Variants in ITSN1 observed in about 807,000 individuals in gnomAD.
The protein encoded by ITSN1 is intersectin 1, also known as intersectin-1.
In ITSN1, 58 loss-of-function variants were observed where a neutral mutation model predicts 239.8. The observed-to-expected ratio is 0.24, with a 90% confidence interval of 0.20 to 0.30. The LOEUF is 0.30. Among genes scored for constraint, ITSN1 ranks in the 10% least tolerant of loss-of-function variants. ITSN1 has a pLI of 1.00. For synonymous variants in ITSN1, 780 were observed against 770.8 expected, an observed-to-expected ratio of 1.01 and a Z score of -0.20; for missense variants, 1,558 against 2,103.3, an observed-to-expected ratio of 0.74 and a Z score of 5.07.
chr21:33,768,266 G>C (rs997395462), intron 11 of ITSN1, among the ~76,000 whole-genome samples: 1 of 151,826 alleles, frequency 6.6e-6, no homozygotes, highest in Non-Finnish European at 1.5e-5. Context: ...TAAATTTAAT[G>C]TGAACCTATT....
chr21:33,817,234 G>C lies in ITSN1; in HGVS notation c.2728-1033G>C, dbSNP rs1394824902. 5 of 1,297,862 alleles carry C rather than the reference G, an allele frequency of 3.9e-6. No individual in the cohort carries two copies. The East Asian group carries it at 2.8e-4, about 73-fold the overall frequency. 80.4% of individuals were successfully genotyped at this position (1,297,862 alleles called of 1,614,324 possible). A position where few individuals can be genotyped will look rare whatever the true frequency, so the allele number is the denominator to read the frequency against. ...ATGCCTCACCCTGCCTTTCCAGCCT[G>C]ACTTCCTCCTCCACCCCTCCATGAG... On this transcript the variant is annotated intron_variant, in intron 22 of 39. Coordinates refer to ENST00000381318, the MANE Select transcript of ITSN1 (RefSeq NM_003024.3).
intron 27 of ITSN1, among the ~76,000 whole-genome samples, chr21:33,833,970 C>T (rs1256317019): frequency 1.3e-5 from 2 of 151,642 alleles, no homozygotes; most frequent in African/African-American, 4.9e-5. Context: ...TTGGCATTAA[C>T]CATAATGTCT....
Position 33,751,869 on chromosome 21 carries a change from A to G in ITSN1, c.586A>G (p.Thr196Ala), listed in dbSNP as rs2067579238. 6.2e-7 allele frequency: 1 copy of G among 1,613,744 alleles called. No individual in the cohort carries two copies. The highest frequency in any genetic ancestry group is 8.5e-7 in the Non-Finnish European group (1 of 1,179,712). Reference sequence around the variant, plus strand: ...ATCTGGTCCAGGGTCACAACTAAACACTAAATTACAAAAGGCACAGTCATT... The same window carrying G: ...ATCTGGTCCAGGGTCACAACTAAACGCTAAATTACAAAAGGCACAGTCATT... ...SRSGPGSQLNTKLQKAQSFDV... is the reference protein window; with the variant it reads ...SRSGPGSQLNAKLQKAQSFDV... Residue 196 changes from threonine to alanine, a missense_variant, in exon 7 of 40, where the codon ACT (threonine) becomes GCT (alanine). Thr to Ala is a moderately conservative substitution (Grantham distance 58). This residue lies in a region of ITSN1 where 982 missense variants were observed against 1,209.9 expected (regional missense o/e 0.81). Coordinates refer to ENST00000381318, the MANE Select transcript of ITSN1 (RefSeq NM_003024.3).
chr21:33,834,815 G>A (rs1325638976), intron 28 of ITSN1, among the ~76,000 whole-genome samples: 1 of 152,118 alleles, frequency 6.6e-6, no homozygotes, highest in Admixed American at 6.6e-5. Context: ...AGATGGAGCT[G>A]GGGGCCACGG....
At chr21:33,726,059 T>A (rs1182735820) in intron 4 of ITSN1, among the ~76,000 whole-genome samples, 1 of 152,186 alleles carries the variant, frequency 6.6e-6, no homozygotes, top group Non-Finnish European at 1.5e-5. Context: ...AATGGCACGA[T>A]CTTAGCTCAC....
intron 1 of ITSN1, among the ~76,000 whole-genome samples, chr21:33,716,151 G>C (rs1378786987): frequency 6.6e-6 from 1 of 152,110 alleles, no homozygotes; most frequent in Non-Finnish European, 1.5e-5. Context: ...CCTTGTGCTT[G>C]GGGGCTCCAC....
chr21:33,749,723 A>C (rs2067423390), intron 5 of ITSN1, among the ~76,000 whole-genome samples: 1 of 152,194 alleles, frequency 6.6e-6, no homozygotes, highest in African/African-American at 2.4e-5. Flanking sequence ...CTGAGGTATA[A>C]TAAACATAGG....
intron 4 of ITSN1, among the ~76,000 whole-genome samples, chr21:33,723,707 C>T (rs1231955225): frequency 6.6e-6 from 1 of 152,148 alleles, no homozygotes; most frequent in Non-Finnish European, 1.5e-5. Context: ...GATACAGTTA[C>T]CCTCTTTGAC....
intron 7 of ITSN1, among the ~76,000 whole-genome samples, chr21:33,752,743 G>A (rs1196786978): frequency 1.3e-5 from 2 of 151,822 alleles, no homozygotes; most frequent in Admixed American, 1.3e-4. Flanking sequence ...AAATGAGATG[G>A]GAGGATGGCT....
intron 4 of ITSN1, among the ~76,000 whole-genome samples, chr21:33,734,688 C>T (rs1272312538): frequency 1.3e-5 from 2 of 152,118 alleles, no homozygotes; most frequent in Non-Finnish European, 2.9e-5. Flanking sequence ...TTTAAAGTAT[C>T]TAATTCATTG....
chr21:33,800,294 C>CGT (rs987531568), intron 19 of ITSN1, among the ~76,000 whole-genome samples: 1 of 150,780 alleles, frequency 6.6e-6, no homozygotes, highest in African/African-American at 2.4e-5. Context: ...TACTAGTGTG[C>CGT]GTGTGTATAT....
intron 3 of ITSN1, 39 bp from the exon 4 acceptor site, chr21:33,722,549 T>G (rs1435781320): frequency 3.9e-6 from 6 of 1,547,134 alleles, no homozygotes; most frequent in South Asian, 1.2e-5. Context: ...CTGTTGTTTT[T>G]TTTTTTTTTT....
chr21:33,804,671 C>T (rs1392290487), intron 20 of ITSN1, among the ~76,000 whole-genome samples: 2 of 152,162 alleles, frequency 1.3e-5, no homozygotes, highest in African/African-American at 4.8e-5. Context: ...ACATCCGTAA[C>T]ATGTTAGTAG....
intron 11 of ITSN1, 39 bp downstream of exon 11, chr21:33,767,867 A>C: frequency 1.8e-6 from 2 of 1,126,716 alleles, no homozygotes; most frequent in Non-Finnish European, 2.7e-6. Flanking sequence ...CATTTAGATT[A>C]AACGAAATTA....
chr21:33,766,148 A>C, intron 10 of ITSN1, 136 bp downstream of exon 10: 21 of 859,804 alleles, frequency 2.4e-5, no homozygotes, highest in Non-Finnish European at 3.2e-5. Context: ...AGAGACTCTC[A>C]TCTAGGTCTA....
chr21:33,842,497 TGTG>T (rs1417733240), intron 29 of ITSN1, among the ~76,000 whole-genome samples: 1 of 45,782 alleles, frequency 2.2e-5, no homozygotes, highest in Non-Finnish European at 3.9e-5. Context: ...ATGTCAACGG[TGTG>T]TGTGTGTGTG....
At chr21:33,754,376 A>G (rs1489725547) in intron 7 of ITSN1, among the ~76,000 whole-genome samples, 1 of 152,238 alleles carries the variant, frequency 6.6e-6, no homozygotes, top group Non-Finnish European at 1.5e-5. Context: ...TAAAAAGTTC[A>G]GTATTTCAGT....
At chr21:33,802,494 T>C in intron 20 of ITSN1, 50 bp downstream of exon 20, 1 of 1,587,786 alleles carries the variant, frequency 6.3e-7, no homozygotes, top group Non-Finnish European at 8.6e-7. Flanking sequence ...CAATGTTTTG[T>C]CCTTTTAAGT....
intron 16 of ITSN1, among the ~76,000 whole-genome samples, chr21:33,792,550 A>G: frequency 6.6e-6 from 1 of 152,366 alleles, no homozygotes; most frequent in East Asian, 1.9e-4. Flanking sequence ...CCAGGTTACT[A>G]TGAAAACCAG....
Sources: gnomAD v4.1 joint callset for allele counts (sites outside exome capture counted in the v4.1 genomes callset) on GRCh38, gnomAD v4.1.1 for gene constraint, gnomAD v4.1.1 regional missense constraint, MANE v1.5 for transcripts, NCBI Gene and HGNC (gene_info 2026-07-23, HGNC 2026-07-21) for gene names.